The following CCDC125 variants were observed in gnomAD, a reference collection of about 807,000 sequenced individuals.
The protein encoded by CCDC125 is coiled-coil domain containing 125, also known as coiled-coil domain-containing protein 125.
In CCDC125, 43 loss-of-function variants were observed where a neutral mutation model predicts 57.4. That is an observed-to-expected ratio of 0.75 (90% CI 0.59 to 0.97). The LOEUF (loss-of-function observed/expected upper bound fraction) is 0.97, where lower values mean the gene tolerates loss of function less well. Ranked by LOEUF, CCDC125 falls within the 50% of genes least tolerant of loss-of-function variation. CCDC125 has a pLI of 0.00. For missense variants in CCDC125, 563 were observed against 595.7 expected (o/e 0.95, Z 0.57); for synonymous variants, 187 against 195.2 (o/e 0.96, Z 0.35).
At chr5:69,312,967 A>G (rs1758401475) in intron 3 of CCDC125, among the ~76,000 whole-genome samples, 2 of 152,156 alleles carry the variant, frequency 1.3e-5, no homozygotes, top group South Asian at 4.1e-4. Flanking sequence ...CATCTCCACA[A>G]CATTCCATTT....
intron 6 of CCDC125, among the ~76,000 whole-genome samples, chr5:69,305,316 C>T (rs1291364865): frequency 6.6e-6 from 1 of 151,992 alleles, no homozygotes. Flanking sequence ...TGGGTTCAAG[C>T]GATTCTCCTG....
chr5:69,273,167 A>G, the CCDC125 span: 3 of 674,954 alleles, frequency 4.4e-6, no homozygotes, highest in South Asian at 3.4e-5. Context: ...TTGTTTTAAG[A>G]AATAACAAAC....
At chr5:69,305,216 T>G (rs560808377) in intron 6 of CCDC125, among the ~76,000 whole-genome samples, 23 of 151,412 alleles carry the variant, frequency 1.5e-4, no homozygotes, top group Non-Finnish European at 3.1e-4. Flanking sequence ...GTCTTTCTGG[T>G]TTTTTTTTCT....
At chr5:69,292,103 T>C in intron 10 of CCDC125, 85 bp downstream of exon 10, 1 of 1,215,600 alleles carries the variant, frequency 8.2e-7, no homozygotes, top group Non-Finnish European at 1.1e-6. Context: ...TTGCCCACAT[T>C]GGATTAAGTG....
At chr5:69,275,577 G>A (rs1752034401), downstream of CCDC125, among the ~76,000 whole-genome samples, 2 of 152,148 alleles carry the variant, frequency 1.3e-5, no homozygotes, top group African/African-American at 4.8e-5. Flanking sequence ...CTTTTTGAAT[G>A]ATGACGTGAT....
intron 4 of CCDC125, chr5:69,310,241 C>T (rs2150507430): frequency 6.6e-6 from 1 of 152,300 alleles, no homozygotes; most frequent in Middle Eastern, 3.4e-3. Flanking sequence ...TGGTTTGGCT[C>T]TGTGTCCTCA....
chr5:69,321,388 G>C (rs780918711), intron 1 of CCDC125, among the ~76,000 whole-genome samples: 1 of 152,150 alleles, frequency 6.6e-6, no homozygotes, highest in Non-Finnish European at 1.5e-5. Context: ...GTCACCTAAT[G>C]ATGGGAATAT....
At chr5:69,277,756 C>CA (rs1752275456), downstream of CCDC125, among the ~76,000 whole-genome samples, 1 of 137,260 alleles carries the variant, frequency 7.3e-6, no homozygotes, top group African/African-American at 2.9e-5. Context: ...GGTGACAGGG[C>CA]AAGACACAGT....
chr5:69,319,216 C>CCA, intron 2 of CCDC125, among the ~76,000 whole-genome samples: 1 of 152,136 alleles, frequency 6.6e-6, no homozygotes, highest in Non-Finnish European at 1.5e-5. Context: ...GCATGAGCCA[C>CCA]TGTACCCGGC....
chr5:69,291,626 A>T (rs1266443022), intron 10 of CCDC125, among the ~76,000 whole-genome samples: 1 of 152,188 alleles, frequency 6.6e-6, no homozygotes, highest in Non-Finnish European at 1.5e-5. Context: ...AAGTGCTAGG[A>T]TTACAGGCGT....
At chr5:69,297,491 C>G (rs1464321423) in intron 8 of CCDC125, among the ~76,000 whole-genome samples, 1 of 151,708 alleles carries the variant, frequency 6.6e-6, no homozygotes, top group Non-Finnish European at 1.5e-5. Context: ...TCCCAAGTAG[C>G]TGGGATTACA....
At chr5:69,284,839 C>A (rs1359394011) in intron 11 of CCDC125, among the ~76,000 whole-genome samples, 1 of 152,134 alleles carries the variant, frequency 6.6e-6, no homozygotes, top group Non-Finnish European at 1.5e-5. Context: ...CGCCTGTAAT[C>A]CCAGCACTTT....
intron 2 of CCDC125, among the ~76,000 whole-genome samples, chr5:69,318,873 C>G (rs542234144): frequency 3.6e-4 from 55 of 152,050 alleles, no homozygotes; most frequent in Non-Finnish European, 7.5e-4. Flanking sequence ...CCCATAATCA[C>G]TCACTATCCC....
rs1339026784 is a variant in CCDC125 at position 69,280,556 on chromosome 5, T to G, written c.*2173A>C. On this transcript the variant is annotated 3_prime_UTR_variant, in exon 12 of 12. Coordinates refer to ENST00000396496, the MANE Select transcript of CCDC125 (RefSeq NM_176816.5). Reference sequence around the variant, plus strand: ...AGCAGCCGGCCCTGAATTCTCTCTCTCAGGTGTACTGTCTGTTCTGCACCT... The same window carrying G: ...AGCAGCCGGCCCTGAATTCTCTCTCGCAGGTGTACTGTCTGTTCTGCACCT... 6.6e-6 allele frequency: 1 copy of G among 152,212 alleles called. No homozygotes were observed. Among genetic ancestry groups the G allele is most frequent in the African/African-American group, 2.4e-5 (1 of 41,462 alleles). 9.4% of individuals were successfully genotyped at this position (152,212 alleles called of 1,614,324 possible).
rs7729799 is a variant in CCDC125, at chr5:69,283,471, T to C, written c.1231-437A>G. Among the ~76,000 whole-genome samples the C allele has an allele frequency of 0.019, 2,954 of 151,906 alleles. 145 individuals carry two copies. The East Asian group carries it at 0.21, about 11-fold the overall frequency. ...TCCTGACCTTGTGATCAGCCCACCT[T>C]GGCCTCCCAAAGTGCTGGGATTACA... On this transcript the variant is annotated intron_variant, in intron 11 of 11. Coordinates refer to ENST00000396496, the MANE Select transcript of CCDC125 (RefSeq NM_176816.5).
At position 69,281,549 on chromosome 5, in the gene CCDC125, A is replaced by G. The variant is rs1225426945; in HGVS notation, c.*1180T>C. 1 of 152,190 alleles carries G rather than the reference A, an allele frequency of 6.6e-6. No homozygotes were observed. Among genetic ancestry groups the G allele is most frequent in the Non-Finnish European group, 1.5e-5 (1 of 68,044 alleles). 9.4% of individuals were successfully genotyped at this position (152,190 alleles called of 1,614,324 possible). A position where few individuals can be genotyped will look rare whatever the true frequency, so the allele number is the denominator to read the frequency against. On this transcript the variant is annotated 3_prime_UTR_variant, in exon 12 of 12. Coordinates refer to ENST00000396496, the MANE Select transcript of CCDC125 (RefSeq NM_176816.5). ...GTTGCAAAATGTTACTACCCTGACAAGAAGCCATGAACGCAGCCGGCACTG... is the reference window on the plus strand; with the variant it reads ...GTTGCAAAATGTTACTACCCTGACAGGAAGCCATGAACGCAGCCGGCACTG...
In CCDC125 at chr5:69,290,280, T is replaced by TTTATTATTA. The variant is rs776480974; in HGVS notation, c.1099+1899_1099+1907dup. 5.2e-3 allele frequency among the ~76,000 whole-genome samples: 777 copies of TTTATTATTA among 150,844 alleles called. 6 individuals are homozygous for TTTATTATTA. Among genetic ancestry groups the TTTATTATTA allele is most frequent in the African/African-American group, 0.018 (740 of 41,170 alleles). ...TGGCTATCTACTATAAAGCTTTCAT[T>TTTATTATTA]TTATTATTATTATTATTATTACTAT... On this transcript the variant is annotated intron_variant, in intron 10 of 11. Transcript: ENST00000396496.
intron 2 of CCDC125, among the ~76,000 whole-genome samples, chr5:69,316,724 G>A (rs143979206): frequency 2.8e-4 from 42 of 152,170 alleles, no homozygotes; most frequent in African/African-American, 8.7e-4. Context: ...TGTTGACCAG[G>A]CTGGTGTCGA....
chr5:69,282,871 G>C lies in CCDC125; in HGVS notation c.1394C>G (p.Ser465Cys), dbSNP rs774625160. The C allele has an allele frequency of 6.2e-7, 1 of 1,614,066 alleles. No homozygotes were observed. Among genetic ancestry groups the C allele is most frequent in the South Asian group, 1.1e-5 (1 of 91,088 alleles). Residue 465 changes from serine to cysteine, a missense_variant, in exon 12 of 12, where the codon TCT becomes TGT. By Grantham distance (112) the Ser-to-Cys change is moderately radical. Transcript: ENST00000396496. ...TGAATGTATAGGATCACCCAAAACAGAGAATTCTGAAGTCTTACGCCAGGG... is the reference window on the plus strand; with the variant it reads ...TGAATGTATAGGATCACCCAAAACACAGAATTCTGAAGTCTTACGCCAGGG... ...NNPWRKTSEFSVLGDPIHSSV... is the reference protein window; with the variant it reads ...NNPWRKTSEFCVLGDPIHSSV...
Sources: allele counts gnomAD v4.1 joint callset (sites outside exome capture counted in the v4.1 genomes callset), GRCh38; gene constraint gnomAD v4.1.1; transcripts MANE v1.5; gene names NCBI Gene and HGNC (gene_info 2026-07-23, HGNC 2026-07-21).